RBFOX3: variants seen among roughly 807,000 people sequenced by gnomAD.
RBFOX3 encodes RNA binding fox-1 homolog 3.
A neutral mutation model predicts 48.7 loss-of-function variants in RBFOX3; 17 were observed. That is an observed-to-expected ratio of 0.35 (90% CI 0.24 to 0.52). The LOEUF (loss-of-function observed/expected upper bound fraction) is 0.52. RBFOX3 is among the 20% of genes least tolerant of loss of function. The pLI is 0.94. For missense variants in RBFOX3, 382 were observed against 497.5 expected (o/e 0.77, Z 2.21); for synonymous variants, 212 against 209.5 (o/e 1.01, Z -0.10).
chr17:79,246,473 G>C (rs916056206), intron 3 of RBFOX3, among the ~76,000 whole-genome samples: 2 of 152,240 alleles, frequency 1.3e-5, no homozygotes, highest in African/African-American at 4.8e-5. Context: ...CGGAGTCCCT[G>C]TCTGAGCTGC....
At chr17:79,434,649 G>T (rs1261218848) in intron 2 of RBFOX3, among the ~76,000 whole-genome samples, 9 of 152,194 alleles carry the variant, frequency 5.9e-5, no homozygotes, top group Admixed American at 1.3e-4. Context: ...GTTGCATCTA[G>T]CTGTGTGATT....
chr17:79,123,653 C>A (rs1568174652), intron 4 of RBFOX3, among the ~76,000 whole-genome samples: 1 of 152,098 alleles, frequency 6.6e-6, no homozygotes, highest in Non-Finnish European at 1.5e-5. Flanking sequence ...CTCTAGTGTA[C>A]CCCACACGTG....
chr17:79,501,851 G>A (rs999113458), intron 1 of RBFOX3, among the ~76,000 whole-genome samples: 1 of 152,214 alleles, frequency 6.6e-6, no homozygotes, highest in Non-Finnish European at 1.5e-5. Flanking sequence ...AAGAGAAAGA[G>A]AAGAGGGAAA....
chr17:79,383,557 TAC>T (rs761768676), intron 2 of RBFOX3, among the ~76,000 whole-genome samples: 2 of 151,070 alleles, frequency 1.3e-5, no homozygotes, highest in East Asian at 3.9e-4. Flanking sequence ...CCTGGAGGAG[TAC>T]CCCCCCGATG....
intron 2 of RBFOX3, among the ~76,000 whole-genome samples, chr17:79,366,349 C>T (rs1026187657): frequency 1.3e-5 from 2 of 152,312 alleles, no homozygotes; most frequent in African/African-American, 2.4e-5. Context: ...GCCTGCAGAC[C>T]GTGGCTGTCT....
intron 1 of RBFOX3, among the ~76,000 whole-genome samples, chr17:79,538,917 G>A (rs1354137372): frequency 2.6e-5 from 4 of 152,078 alleles, no homozygotes; most frequent in Admixed American, 1.3e-4. Flanking sequence ...ATGGAAACAC[G>A]GACAAAGCAT....
chr17:79,521,314 TCAGA>T (rs1283653524), intron 1 of RBFOX3, among the ~76,000 whole-genome samples: 3 of 137,278 alleles, frequency 2.2e-5, no homozygotes, highest in South Asian at 2.3e-4. Flanking sequence ...ACACACATGC[TCAGA>T]CACACACATT....
intron 2 of RBFOX3, among the ~76,000 whole-genome samples, chr17:79,355,186 G>A (rs1005599452): frequency 1.1e-4 from 16 of 152,194 alleles, no homozygotes; most frequent in African/African-American, 3.9e-4. Flanking sequence ...TTGTGGGGTC[G>A]GGGGTCCCTG....
At position 79,299,663 on chromosome 17, in the gene RBFOX3, G is replaced by C. The variant is rs2074993802; in HGVS notation, c.-74+8061C>G. 6.6e-6 allele frequency among the ~76,000 whole-genome samples: 1 copy of C among 152,210 alleles called. No individual in the cohort carries two copies. The highest frequency in any genetic ancestry group is 1.5e-5 in the Non-Finnish European group (1 of 68,042). On this transcript the variant is annotated intron_variant, in intron 3 of 14. Transcript: ENST00000693108. The surrounding 1 kb of genome is among the most constrained non-coding windows in gnomAD (Gnocchi z 4.5). ...GGATACCAACGGACAACTGTGTTTA[G>C]AGATATGGACTTTGAAGGGGTAATT...
intron 2 of RBFOX3, among the ~76,000 whole-genome samples, chr17:79,399,874 A>G (rs369602355): frequency 6.4e-4 from 98 of 152,338 alleles, no homozygotes; most frequent in African/African-American, 2.3e-3. Flanking sequence ...CGTTGTCCTT[A>G]ACTGGCTAGT....
In RBFOX3 at chr17:79,089,708, T is replaced by G. The variant is rs1486620372; in HGVS notation, c.*1175A>C. On this transcript the variant is annotated 3_prime_UTR_variant, in exon 15 of 15. Coordinates refer to ENST00000693108, the MANE Select transcript of RBFOX3 (RefSeq NM_001350451.2). ...GTTGGGAGCCTGTATTTTTTGCTGC[T>G]TCCCTACTTCAGTGCTCCCTGCCTC... 6.6e-6 allele frequency: 1 copy of G among 152,624 alleles called. No homozygotes were observed. The highest frequency in any genetic ancestry group is 1.5e-5 in the Non-Finnish European group (1 of 68,052). The allele number at this position is 152,624 out of a possible 1,614,324, so 9.5% of individuals were successfully genotyped here.
chr17:79,545,588 C>A (rs1555791663), intron 1 of RBFOX3, among the ~76,000 whole-genome samples: 1 of 152,222 alleles, frequency 6.6e-6, no homozygotes, highest in East Asian at 1.9e-4. Flanking sequence ...TTCCAGGCAG[C>A]CGATTGGTTC....
intron 1 of RBFOX3, among the ~76,000 whole-genome samples, chr17:79,582,829 A>ACCTG (rs1343389889): frequency 2.1e-5 from 3 of 143,936 alleles, no homozygotes; most frequent in African/African-American, 7.7e-5. Context: ...TCCTGGAAGG[A>ACCTG]CCTGAGTGGC....
At chr17:79,458,100 G>A (rs1204491692) in intron 2 of RBFOX3, among the ~76,000 whole-genome samples, 1 of 152,232 alleles carries the variant, frequency 6.6e-6, no homozygotes, top group African/African-American at 2.4e-5. Flanking sequence ...GTGGGTAACA[G>A]AGCAGGCAGT....
chr17:79,200,162 C>CAA (rs3046721), intron 4 of RBFOX3, among the ~76,000 whole-genome samples: 12,310 of 110,642 alleles, frequency 0.11, 830 homozygotes, highest in Middle Eastern at 0.19. Flanking sequence ...GACTCCGTCT[C>CAA]AAAAAAAAAA....
At chr17:79,315,743 G>A (rs1055304641) in intron 2 of RBFOX3, among the ~76,000 whole-genome samples, 4 of 152,098 alleles carry the variant, frequency 2.6e-5, no homozygotes, top group Non-Finnish European at 2.9e-5. Context: ...GCTGCCGCCC[G>A]TGCCGCCACC....
the RBFOX3 span, among the ~76,000 whole-genome samples, chr17:79,650,680 G>T: frequency 6.6e-6 from 1 of 152,096 alleles, no homozygotes; most frequent in Non-Finnish European, 1.5e-5. Context: ...CAGATCAGAG[G>T]ATGCACTTCT....
At chr17:79,097,597 G>GGCCCCGCCCCTCAT in intron 10 of RBFOX3, 95 bp downstream of exon 10, 1 of 1,407,452 alleles carries the variant, frequency 7.1e-7, no homozygotes, top group Non-Finnish European at 9.5e-7. Context: ...CGGCCCACCT[G>GGCCCCGCCCCTCAT]GCCCCGCCCC....
Position 79,212,472 on chromosome 17 carries a change from T to C in RBFOX3, c.-34+23294A>G, listed in dbSNP as rs1473341479. Among the ~76,000 whole-genome samples the C allele has an allele frequency of 6.6e-6, 1 of 152,194 alleles. No homozygotes were observed. Among genetic ancestry groups the C allele is most frequent in the Non-Finnish European group, 1.5e-5 (1 of 68,022 alleles). On this transcript the variant is annotated intron_variant, in intron 4 of 14. Coordinates refer to ENST00000693108, the MANE Select transcript of RBFOX3 (RefSeq NM_001350451.2). The surrounding 1 kb of genome is among the most constrained non-coding windows in gnomAD (Gnocchi z 4.7). ...GACTGCTGCAGGGGCCACCCTGTTT[T>C]TAGGGGGTCGGGTCTCACCCTGGGC...
Sources: gnomAD v4.1 joint callset for allele counts (sites outside exome capture counted in the v4.1 genomes callset) on GRCh38, gnomAD v4.1.1 for gene constraint, Gnocchi (gnomAD v3.1) non-coding constraint, MANE v1.5 for transcripts, NCBI Gene and HGNC (gene_info 2026-07-23, HGNC 2026-07-21) for gene names.